COL5A2: variants seen among roughly 807,000 people sequenced by gnomAD.
COL5A2 encodes collagen alpha-2(V) chain.
In COL5A2, 23 loss-of-function variants were observed where a neutral mutation model predicts 208.2. That is an observed-to-expected ratio of 0.11 (90% CI 0.08 to 0.16). COL5A2 has a LOEUF of 0.16. Among genes scored for constraint, COL5A2 ranks in the 10% least tolerant of loss-of-function variants. The pLI is 1.00. For missense variants in COL5A2, 1,590 were observed against 1,956.4 expected, an observed-to-expected ratio of 0.81 and a Z score of 3.53; for synonymous variants, 625 against 628.5, an observed-to-expected ratio of 0.99 and a Z score of 0.08.
rs140687796 is a variant in COL5A2, at chr2:189,065,104, C to T, written c.1564-47G>A. On this transcript the variant is annotated intron_variant, in intron 23 of 53. Transcript: ENST00000374866. The stretch of plus-strand genomic sequence containing the variant: ...TTCTTAATTGTTGTTGATATTTTTG[C>T]AATATGTAATGAATAGGTGATTTTT... The T allele has an allele frequency of 7.1e-5, 111 of 1,565,562 alleles. 1 individual carries two copies. In the East Asian group the frequency reaches 2.5e-3, roughly 35 times the overall value.
chr2:189,237,634 T>C, the COL5A2 span, among the ~76,000 whole-genome samples: 1 of 151,860 alleles, frequency 6.6e-6, no homozygotes, highest in African/African-American at 2.4e-5. Flanking sequence ...AAAATATGCA[T>C]AATTGCTGAT....
chr2:189,237,449 T>C, the COL5A2 span, among the ~76,000 whole-genome samples: 1 of 150,990 alleles, frequency 6.6e-6, no homozygotes, highest in African/African-American at 2.4e-5. Context: ...TAGTAGTCAA[T>C]ATTGCTGGTA....
chr2:189,424,966 T>C, the COL5A2 span, among the ~76,000 whole-genome samples: 1 of 152,138 alleles, frequency 6.6e-6, no homozygotes, highest in African/African-American at 2.4e-5. Context: ...CAGATATATA[T>C]GCCAATGGAA....
chr2:189,213,836 G>A (rs1689246154), intron 1 of COL5A2, among the ~76,000 whole-genome samples: 1 of 152,218 alleles, frequency 6.6e-6, no homozygotes, highest in Admixed American at 6.5e-5. Context: ...CAGGAAAGTA[G>A]AGAGTAGTTG....
In COL5A2 at chr2:189,048,240, G is replaced by T. The variant is rs201186702; in HGVS notation, c.3170C>A (p.Thr1057Asn). The change falls in exon 45 of 54, where the codon ACC (threonine) becomes AAC (asparagine). Residue 1057 changes from threonine (T) to asparagine (N), a missense_variant. Coordinates refer to ENST00000374866, the MANE Select transcript of COL5A2 (RefSeq NM_000393.5). ...TCCAACAGCACCATCCCGTCCTGGGGTACCATCATTGCCAGCTGGACCCTA... is the reference window on the plus strand; with the variant it reads ...TCCAACAGCACCATCCCGTCCTGGGTTACCATCATTGCCAGCTGGACCCTA... ...GPEGPAGNDG[T>N]PGRDGAVGER... is the part of the protein sequence containing the mutation. 41 of 1,613,966 alleles carry T rather than the reference G, an allele frequency of 2.5e-5. No individual in the cohort carries two copies. The Admixed American group carries it at 2.7e-4, about 10-fold the overall frequency.
chr2:189,200,560 A>T (rs1160846358), intron 1 of COL5A2, among the ~76,000 whole-genome samples: 1 of 145,902 alleles, frequency 6.9e-6, no homozygotes, highest in East Asian at 1.9e-4. Flanking sequence ...AGAATAAAAC[A>T]GAAAAAAATA....
intron 1 of COL5A2, among the ~76,000 whole-genome samples, chr2:189,199,492 C>CA (rs1311849459): frequency 1.3e-5 from 2 of 151,746 alleles, no homozygotes; most frequent in Non-Finnish European, 2.9e-5. Context: ...GGCACAAGGG[C>CA]AAAAAAAGGC....
At chr2:189,339,520 G>T in the COL5A2 span, among the ~76,000 whole-genome samples, 501 of 152,278 alleles carry the variant, frequency 3.3e-3, 3 homozygotes, top group African/African-American at 0.011. Context: ...ATTCAGGCTA[G>T]GTCCTGCTGC....
chr2:189,255,664 C>T, the COL5A2 span, among the ~76,000 whole-genome samples: 29 of 152,134 alleles, frequency 1.9e-4, no homozygotes, highest in African/African-American at 6.7e-4. Flanking sequence ...GGTTCCAATG[C>T]TAGACATTAT....
intron 51 of COL5A2, among the ~76,000 whole-genome samples, chr2:189,038,029 T>C (rs979705393): frequency 6.6e-6 from 1 of 152,190 alleles, no homozygotes; most frequent in African/African-American, 2.4e-5. Context: ...TAGTACATTT[T>C]TTTTAAAGTT....
chr2:189,298,788 G>A, the COL5A2 span, among the ~76,000 whole-genome samples: 1 of 152,134 alleles, frequency 6.6e-6, no homozygotes, highest in Non-Finnish European at 1.5e-5. Flanking sequence ...TCTCCCCTAA[G>A]GAGGAGTAAG....
chr2:189,354,164 C>T, the COL5A2 span, among the ~76,000 whole-genome samples: 2 of 152,124 alleles, frequency 1.3e-5, no homozygotes, highest in South Asian at 4.1e-4. Context: ...TTTTGATGTG[C>T]TGCTTGATTT....
the COL5A2 span, among the ~76,000 whole-genome samples, chr2:189,327,572 C>T: frequency 6.6e-6 from 1 of 152,130 alleles, no homozygotes; most frequent in African/African-American, 2.4e-5. Flanking sequence ...GTCTATGGTG[C>T]TTCCTTTTGG....
At chr2:189,362,844 C>T in the COL5A2 span, among the ~76,000 whole-genome samples, 1 of 151,800 alleles carries the variant, frequency 6.6e-6, no homozygotes, top group Non-Finnish European at 1.5e-5. Flanking sequence ...ATGTCTAATA[C>T]TGATGAGAAT....
chr2:189,171,836 G>A (rs1242912810), intron 1 of COL5A2, among the ~76,000 whole-genome samples: 1 of 152,140 alleles, frequency 6.6e-6, no homozygotes, highest in Non-Finnish European at 1.5e-5. Context: ...TATCCAGAGA[G>A]AACCAATGAA....
intron 1 of COL5A2, among the ~76,000 whole-genome samples, chr2:189,217,812 T>C (rs1015597453): frequency 1.3e-5 from 2 of 151,978 alleles, no homozygotes; most frequent in Non-Finnish European, 2.9e-5. Context: ...ACACACCCAG[T>C]GAGGAAGGGA....
At chr2:189,058,759 A>T in intron 32 of COL5A2, 90 bp downstream of exon 32, 1 of 1,235,406 alleles carries the variant, frequency 8.1e-7, no homozygotes, top group Non-Finnish European at 1.2e-6. Context: ...TTATAGGTTA[A>T]AATAAATCCC....
chr2:189,375,769 A>G, the COL5A2 span, among the ~76,000 whole-genome samples: 1 of 152,260 alleles, frequency 6.6e-6, no homozygotes, highest in South Asian at 2.1e-4. Context: ...AGACATCTGG[A>G]ATTCAGAAGA....
the COL5A2 span, among the ~76,000 whole-genome samples, chr2:189,424,919 C>T: frequency 6.6e-6 from 1 of 152,194 alleles, no homozygotes; most frequent in Non-Finnish European, 1.5e-5. Flanking sequence ...TATTACAAAG[C>T]TCTAGTAACC....
Sources: gnomAD v4.1 joint callset for allele counts (sites outside exome capture counted in the v4.1 genomes callset) on GRCh38, gnomAD v4.1.1 for gene constraint, MANE v1.5 for transcripts, NCBI Gene and HGNC (gene_info 2026-07-23, HGNC 2026-07-21) for gene names.